The following CALN1 variants were observed in gnomAD, a reference collection of about 807,000 sequenced individuals.
CALN1 encodes the protein calcium-binding protein 8.
CALN1 carries 17 observed loss-of-function variants against 30.6 expected under a neutral mutation model. That is an observed-to-expected ratio of 0.56 (90% CI 0.38 to 0.83). The LOEUF is 0.83. Ranked by LOEUF, CALN1 falls within the 40% of genes least tolerant of loss-of-function variation. The probability of loss-of-function intolerance (pLI) is 0.00; values close to 1 mark genes in which losing one functional copy is unlikely to be tolerated. For synonymous variants in CALN1, 156 were observed against 131.4 expected (o/e 1.19, Z -1.28); for missense variants, 291 against 354.9 (o/e 0.82, Z 1.45).
intron 3 of CALN1, among the ~76,000 whole-genome samples, chr7:72,160,408 A>G (rs1788020135): frequency 6.6e-6 from 1 of 151,944 alleles, no homozygotes. Flanking sequence ...CCACCCGAGT[A>G]GCTGGGATTA....
At chr7:71,985,249 ACT>A (rs2129527433) in intron 5 of CALN1, among the ~76,000 whole-genome samples, 1 of 152,302 alleles carries the variant, frequency 6.6e-6, no homozygotes, top group East Asian at 1.9e-4. Context: ...ATCATTTCAC[ACT>A]CTGCGTATTG....
chr7:72,079,505 T>C (rs757046013), intron 4 of CALN1, among the ~76,000 whole-genome samples: 10 of 152,280 alleles, frequency 6.6e-5, no homozygotes, highest in Admixed American at 4.6e-4. Context: ...ACGAGAGTAA[T>C]TGGTGTTTGC....
At chr7:72,408,401 C>T (rs1298675251) in intron 1 of CALN1, among the ~76,000 whole-genome samples, 1 of 151,856 alleles carries the variant, frequency 6.6e-6, no homozygotes, top group Non-Finnish European at 1.5e-5. Context: ...GCTGAGATCA[C>T]GCCACTACAC....
intron 5 of CALN1, among the ~76,000 whole-genome samples, chr7:71,878,693 C>T (rs954163001): frequency 1.3e-5 from 2 of 152,106 alleles, no homozygotes; most frequent in Non-Finnish European, 2.9e-5. Flanking sequence ...CACAAAAATG[C>T]CCATGAAATG....
chr7:72,013,823 C>T (rs1800226846), intron 5 of CALN1, among the ~76,000 whole-genome samples: 1 of 151,756 alleles, frequency 6.6e-6, no homozygotes, highest in African/African-American at 2.4e-5. Context: ...TTATTTCTAA[C>T]AATTATATAA....
chr7:72,038,386 T>C (rs145955985), intron 4 of CALN1, among the ~76,000 whole-genome samples: 3 of 147,082 alleles, frequency 2.0e-5, no homozygotes, highest in African/African-American at 7.7e-5. Context: ...TTTTTTTTTT[T>C]CTTTTTTGAG....
chr7:72,366,447 A>T (rs1377920607), intron 2 of CALN1, among the ~76,000 whole-genome samples: 6 of 152,212 alleles, frequency 3.9e-5, no homozygotes, highest in African/African-American at 1.2e-4. Context: ...AAGTGCTGGC[A>T]TTACAGGCAT....
chr7:72,478,866 T>A, the CALN1 span, among the ~76,000 whole-genome samples: 3 of 146,622 alleles, frequency 2.0e-5, no homozygotes, highest in Non-Finnish European at 3.0e-5. Flanking sequence ...CAGGTTTATT[T>A]GCCATGCATA....
At chr7:72,067,682 C>T (rs1563027647) in intron 4 of CALN1, among the ~76,000 whole-genome samples, 13 of 152,166 alleles carry the variant, frequency 8.5e-5, no homozygotes. Context: ...TAAGTTACAA[C>T]CAATCGCTAT....
chr7:71,987,395 G>A (rs1396185618), intron 5 of CALN1, among the ~76,000 whole-genome samples: 4 of 152,192 alleles, frequency 2.6e-5, no homozygotes, highest in Non-Finnish European at 4.4e-5. Context: ...CCCCAGGGGT[G>A]GGCTAGGCAG....
rs570985840 is a variant in CALN1, at chr7:72,308,857, T to C, written c.120-30047A>G. On this transcript the variant is annotated intron_variant, in intron 2 of 6. Transcript: ENST00000395275. ...ATTCTAGAAGCTTCCCTGGGGATCA[T>C]TCCCATCTGGCATGTATGCAAGTAC... Among the ~76,000 whole-genome samples, 22 of 152,330 alleles carry C rather than the reference T, an allele frequency of 1.4e-4. No homozygotes were observed. The East Asian group carries it at 4.1e-3, about 28-fold the overall frequency.
At chr7:72,243,227 TGAG>T (rs1249256348) in intron 3 of CALN1, among the ~76,000 whole-genome samples, 1 of 152,192 alleles carries the variant, frequency 6.6e-6, no homozygotes, top group Non-Finnish European at 1.5e-5. Flanking sequence ...TCTCTCCATG[TGAG>T]GACACAGCAA....
At chr7:72,299,728 T>G (rs1799125372) in intron 2 of CALN1, among the ~76,000 whole-genome samples, 2 of 141,730 alleles carry the variant, frequency 1.4e-5, no homozygotes, top group Non-Finnish European at 1.5e-5. Context: ...GAGACTGAGG[T>G]CCTGCTGTGT....
At chr7:72,098,914 G>A (rs559284586) in intron 4 of CALN1, among the ~76,000 whole-genome samples, 1 of 152,054 alleles carries the variant, frequency 6.6e-6, no homozygotes, top group East Asian at 1.9e-4. Flanking sequence ...TCCGTGTCCA[G>A]GAAATCCAGG....
At chr7:72,440,044 T>C (rs1468004621) in intron 1 of CALN1, among the ~76,000 whole-genome samples, 3 of 152,206 alleles carry the variant, frequency 2.0e-5, no homozygotes, top group Non-Finnish European at 4.4e-5. Flanking sequence ...TCGAATTAAA[T>C]GCCAGAAAGC....
chr7:72,301,811 G>T (rs1296065930), intron 2 of CALN1, among the ~76,000 whole-genome samples: 1 of 152,092 alleles, frequency 6.6e-6, no homozygotes, highest in Non-Finnish European at 1.5e-5. Flanking sequence ...GTCTCATTCA[G>T]AGAGAAAGGC....
chr7:72,274,734 G>T (rs1323770861), intron 3 of CALN1, among the ~76,000 whole-genome samples: 1 of 152,076 alleles, frequency 6.6e-6, no homozygotes, highest in Admixed American at 6.5e-5. Context: ...CTACTACCTA[G>T]AAGGCATTTC....
chr7:72,457,613 C>T, the CALN1 span, among the ~76,000 whole-genome samples: 1 of 152,168 alleles, frequency 6.6e-6, no homozygotes. Flanking sequence ...CCTCTTCCTC[C>T]TCCTTCTCCC....
chr7:72,333,049 T>TAA (rs748566244), intron 2 of CALN1, among the ~76,000 whole-genome samples: 3 of 152,222 alleles, frequency 2.0e-5, no homozygotes, highest in Non-Finnish European at 4.4e-5. Context: ...TCTCAACCTT[T>TAA]AAGCACCAAG....
Sources: gnomAD v4.1 joint callset for allele counts (sites outside exome capture counted in the v4.1 genomes callset) on GRCh38, gnomAD v4.1.1 for gene constraint, MANE v1.5 for transcripts, NCBI Gene and HGNC (gene_info 2026-07-23, HGNC 2026-07-21) for gene names.